Variants in EYS observed in about 807,000 individuals in gnomAD.
EYS encodes protein eyes shut homolog.
Under a neutral mutation model 282.1 loss-of-function variants are expected in EYS, and 250 were observed. The observed-to-expected ratio is 0.89, with a 90% CI of 0.80 to 0.98. The LOEUF is 0.98. Ranked by LOEUF, EYS falls within the 50% of genes least tolerant of loss-of-function variation. The pLI, the probability that EYS is intolerant of heterozygous loss-of-function variation, is 0.00. For synonymous variants in EYS, 1,355 were observed against 1,282.9 expected (o/e 1.06, Z -1.20); for missense variants, 4,016 against 3,709.0 (o/e 1.08, Z -2.15).
intron 11 of EYS, among the ~76,000 whole-genome samples, chr6:65,296,513 A>C (rs1768669969): frequency 1.3e-5 from 2 of 151,732 alleles, no homozygotes; most frequent in African/African-American, 4.8e-5. Context: ...AATCACAATT[A>C]CTTTTGTCAC....
At chr6:65,681,056 T>A (rs150832893) in intron 1 of EYS, among the ~76,000 whole-genome samples, 361 of 150,994 alleles carry the variant, frequency 2.4e-3, no homozygotes, top group African/African-American at 8.4e-3. Flanking sequence ...GGCCAACAGC[T>A]GTCAGCCAAC....
At chr6:64,623,413 T>C (rs892088955) in intron 23 of EYS, among the ~76,000 whole-genome samples, 1 of 152,192 alleles carries the variant, frequency 6.6e-6, no homozygotes, top group Admixed American at 6.5e-5. Flanking sequence ...CCAGTGGTTC[T>C]GGGACTCTGT....
At chr6:64,328,171 T>TC (rs1172012639) in intron 29 of EYS, among the ~76,000 whole-genome samples, 3 of 152,210 alleles carry the variant, frequency 2.0e-5, no homozygotes, top group African/African-American at 7.2e-5. Context: ...GCAGTCCATT[T>TC]CCTAATTCAC....
chr6:65,090,003 A>T (rs1273273248), intron 12 of EYS, among the ~76,000 whole-genome samples: 1 of 150,876 alleles, frequency 6.6e-6, no homozygotes, highest in Non-Finnish European at 1.5e-5. Context: ...ACACACACAC[A>T]CACAAACACA....
rs974321163 is a variant in EYS at position 64,099,807 on chromosome 6, G to A, written c.6425-17805C>T. Among the ~76,000 whole-genome samples, 3 of 152,114 alleles carry A rather than the reference G, an allele frequency of 2.0e-5. No homozygotes were observed. The South Asian group carries it at 6.2e-4, about 32-fold the overall frequency. ...GTGGGTTAACTACAACCATAAAGGA[G>A]CATGCTGAGGACAACTGGCACACTA... On this transcript the variant is annotated intron_variant, in intron 31 of 42. Transcript: ENST00000503581.
intron 30 of EYS, among the ~76,000 whole-genome samples, chr6:64,281,933 A>C (rs188455816): frequency 1.4e-4 from 21 of 152,174 alleles, no homozygotes; most frequent in Middle Eastern, 3.4e-3. Context: ...TAGAGGGGAA[A>C]TTTTTGAGAT....
intron 22 of EYS, among the ~76,000 whole-genome samples, chr6:64,735,871 G>T (rs1772169977): frequency 6.6e-6 from 1 of 151,872 alleles, no homozygotes; most frequent in Admixed American, 6.5e-5. Flanking sequence ...ACAAAATAAA[G>T]AACTATGATC....
chr6:65,489,118 T>C (rs992189686), intron 5 of EYS, among the ~76,000 whole-genome samples: 5 of 152,102 alleles, frequency 3.3e-5, no homozygotes, highest in African/African-American at 7.2e-5. Flanking sequence ...AAAGCCAAAA[T>C]TGACAAATGG....
At chr6:64,711,419 G>A (rs76398826) in intron 22 of EYS, among the ~76,000 whole-genome samples, 1 of 151,862 alleles carries the variant, frequency 6.6e-6, no homozygotes, top group Non-Finnish European at 1.5e-5. Context: ...TTTAATAAGA[G>A]GAAAAAAACA....
chr6:65,532,069 T>C (rs895147502), intron 2 of EYS, among the ~76,000 whole-genome samples: 1 of 152,154 alleles, frequency 6.6e-6, no homozygotes, highest in African/African-American at 2.4e-5. Flanking sequence ...ATTATTTCTA[T>C]TGCTGTTATA....
In EYS at chr6:64,626,220, A is replaced by G; in HGVS notation, c.3469T>C (p.Phe1157Leu). ...CRCLPGFSGQ[F>L]CEININECSS... ...CATTCATTTATATTAATTTCACAAA[A>G]TTGACCAGAAAATCCAGGAAGACAT... is the stretch of plus-strand genomic sequence containing the variant. Residue 1157 changes from phenylalanine to leucine, a missense_variant, in exon 23 of 43, where the codon TTT (phenylalanine) becomes CTT (leucine). Coordinates refer to ENST00000503581, the MANE Select transcript of EYS (RefSeq NM_001142800.2). 1 of 1,533,570 alleles carries G rather than the reference A, an allele frequency of 6.5e-7. No homozygotes were observed. 95.0% of individuals were successfully genotyped at this position (1,533,570 alleles called of 1,614,324 possible).
intron 8 of EYS, among the ~76,000 whole-genome samples, chr6:65,377,939 G>A (rs909930677): frequency 6.6e-6 from 1 of 152,046 alleles, no homozygotes; most frequent in Non-Finnish European, 1.5e-5. Flanking sequence ...AAAAGCCAAG[G>A]ACCAGACGAA....
intron 35 of EYS, among the ~76,000 whole-genome samples, chr6:63,984,169 TGA>T (rs1234932639): frequency 6.6e-6 from 1 of 151,846 alleles, no homozygotes; most frequent in East Asian, 1.9e-4. Context: ...TGTCAGAGTC[TGA>T]GACTCTCTTG....
chr6:65,240,806 G>T (rs1325597742), intron 12 of EYS, among the ~76,000 whole-genome samples: 1 of 152,104 alleles, frequency 6.6e-6, no homozygotes, highest in East Asian at 1.9e-4. Flanking sequence ...ATCCAGTAAT[G>T]GGTTTGGTGG....
chr6:65,341,870 A>C (rs995077302), intron 10 of EYS, among the ~76,000 whole-genome samples: 1 of 151,218 alleles, frequency 6.6e-6, no homozygotes, highest in Non-Finnish European at 1.5e-5. Context: ...AAATTAATTG[A>C]TCATAAATAT....
At chr6:64,427,368 G>T (rs945762707) in intron 28 of EYS, among the ~76,000 whole-genome samples, 11 of 152,112 alleles carry the variant, frequency 7.2e-5, no homozygotes, top group Non-Finnish European at 1.5e-4. Context: ...AACTTGGGGA[G>T]AGACTGATGT....
At chr6:64,839,832 C>T (rs927145872) in intron 19 of EYS, among the ~76,000 whole-genome samples, 1 of 151,978 alleles carries the variant, frequency 6.6e-6, no homozygotes, top group South Asian at 2.1e-4. Flanking sequence ...GAAGGGTCTA[C>T]CTTCCAGCCT....
chr6:64,220,195 T>C (rs1245088485), intron 31 of EYS, among the ~76,000 whole-genome samples: 1 of 152,020 alleles, frequency 6.6e-6, no homozygotes, highest in Non-Finnish European at 1.5e-5. Context: ...TTAATAGAAA[T>C]GTATAGCAGT....
intron 8 of EYS, among the ~76,000 whole-genome samples, chr6:65,367,887 A>G (rs1764974553): frequency 6.6e-6 from 1 of 151,676 alleles, no homozygotes; most frequent in South Asian, 2.1e-4. Flanking sequence ...TAACATTGGC[A>G]TAGCAGTAAT....
Sources: allele counts gnomAD v4.1 joint callset (sites outside exome capture counted in the v4.1 genomes callset), GRCh38; gene constraint gnomAD v4.1.1; transcripts MANE v1.5; gene names NCBI Gene and HGNC (gene_info 2026-07-23, HGNC 2026-07-21).